The following NEB variants were observed in gnomAD, a reference collection of about 807,000 sequenced individuals.
NEB encodes the protein nemaline myopathy type 2.
NEB carries 512 observed loss-of-function variants against 952.2 expected under a neutral mutation model. The observed-to-expected ratio is 0.54, with a 90% CI of 0.50 to 0.58. The LOEUF is 0.58. Among genes scored for constraint, NEB ranks in the 20% least tolerant of loss-of-function variants. The pLI is 0.00. For missense variants in NEB, 8,428 were observed against 9,231.1 expected, an observed-to-expected ratio of 0.91 and a Z score of 3.56; for synonymous variants, 2,900 against 3,149.8, an observed-to-expected ratio of 0.92 and a Z score of 2.66.
intron 76 of NEB, 67 bp from the exon 77 acceptor site, chr2:151,614,654 A>G: frequency 6.8e-7 from 1 of 1,472,758 alleles, no homozygotes; most frequent in Non-Finnish European, 9.3e-7. Context: ...ATAGGTTCAC[A>G]TTCACATTGT....
intron 46 of NEB, among the ~76,000 whole-genome samples, chr2:151,659,477 T>C (rs1220801981): frequency 2.6e-5 from 4 of 152,002 alleles, no homozygotes. Flanking sequence ...ATTTTTGTAT[T>C]TTTTGTAGAG....
intron 13 of NEB, among the ~76,000 whole-genome samples, chr2:151,702,558 G>T (rs1194751131): frequency 6.6e-6 from 1 of 151,586 alleles, no homozygotes; most frequent in Non-Finnish European, 1.5e-5. Context: ...TCCTGTATTG[G>T]GTGCATATAT....
chr2:151,635,726 A>G (rs1262172596), intron 64 of NEB, among the ~76,000 whole-genome samples: 1 of 151,352 alleles, frequency 6.6e-6, no homozygotes, highest in African/African-American at 2.4e-5. Context: ...AAAAAAAAAA[A>G]GAGTGTAACC....
In NEB at chr2:151,490,392, C is replaced by G. The variant is rs1181657404; in HGVS notation, c.25277G>C (p.Gly8426Ala). Residue 8426 changes from glycine (G) to alanine (A), a missense_variant, in exon 180 of 182, where the codon GGT (glycine) becomes GCT (alanine). Gly to Ala is a moderately conservative substitution (Grantham distance 60). This residue lies in a region of NEB where 3,374 missense variants were observed against 3,651.5 expected (regional missense o/e 0.92). Coordinates refer to ENST00000397345, the MANE Select transcript of NEB (RefSeq NM_001164508.2). ...DHHLSTYSDGGVFAVSTAYKH... is the reference protein window; with the variant it reads ...DHHLSTYSDGAVFAVSTAYKH... ...TGTACCTGTTGAGACTGCAAAGACA[C>G]CCCCGTCGCTGTAAGTCGAAAGGTG... 5 of 1,591,746 alleles carry G rather than the reference C, an allele frequency of 3.1e-6. No homozygotes were observed. The highest frequency in any genetic ancestry group is 3.4e-6 in the Non-Finnish European group (4 of 1,168,148).
intron 178 of NEB, 106 bp from the exon 179 acceptor site, chr2:151,491,881 T>C (rs1337342475): frequency 6.7e-6 from 7 of 1,046,978 alleles, no homozygotes; most frequent in African/African-American, 4.8e-5. Flanking sequence ...ATCACACTTA[T>C]TCCAGCTTAG....
chr2:151,638,524 T>C (rs923896601), intron 63 of NEB, among the ~76,000 whole-genome samples: 7 of 152,208 alleles, frequency 4.6e-5, no homozygotes, highest in African/African-American at 1.7e-4. Context: ...CTATGTGAGT[T>C]TACAGAGAGA....
chr2:151,695,573 C>T lies in NEB; in HGVS notation c.1674+5G>A. ...ATCACATGGTACAGGGCATAAGGAA[C>T]TTACATCACTCAAGTTATAGGCATT... On this transcript the variant is annotated splice_donor_5th_base_variant and intron_variant, in intron 18 of 181. Coordinates refer to ENST00000397345, the MANE Select transcript of NEB (RefSeq NM_001164508.2). 6.2e-7 allele frequency: 1 copy of T among 1,608,918 alleles called. No homozygotes were observed. Among genetic ancestry groups the T allele is most frequent in the Non-Finnish European group, 8.5e-7 (1 of 1,175,532 alleles).
At chr2:151,606,120 G>A (rs368837832) in intron 84 of NEB, among the ~76,000 whole-genome samples, 2,178 of 71,476 alleles carry the variant, frequency 0.03, 453 homozygotes, top group South Asian at 0.21. Context: ...ATGCCCGACA[G>A]GTAGCATAAT....
chr2:151,731,480 A>C (rs2099808610), intron 3 of NEB, among the ~76,000 whole-genome samples: 1 of 152,112 alleles, frequency 6.6e-6, no homozygotes, highest in Middle Eastern at 3.2e-3. Flanking sequence ...GTTTTCTAAA[A>C]TCTTCCCTGG....
At chr2:151,512,583 G>C in intron 161 of NEB, 150 bp downstream of exon 161, 1 of 678,334 alleles carries the variant, frequency 1.5e-6, no homozygotes, top group South Asian at 1.7e-5. Context: ...CAAAGTGCTG[G>C]GAATACAGAC....
intron 17 of NEB, 73 bp downstream of exon 17, chr2:151,696,564 T>G: frequency 8.6e-7 from 1 of 1,156,776 alleles, no homozygotes. Flanking sequence ...TGATAAGTCA[T>G]TGGATTTTAT....
In NEB at chr2:151,616,014, A is replaced by G. The variant is rs775887711; in HGVS notation, c.11277T>C (p.Asp3759=). 59 of 1,611,512 alleles carry G rather than the reference A, an allele frequency of 3.7e-5. 3 individuals carry two copies. The South Asian group carries it at 6.3e-4, about 17-fold the overall frequency. ...IPIQAAKASR[D]IASDYKYKEG... Reference sequence around the variant, plus strand: ...AACATCCACTTACATCACTAGCAATATCTCTTGAAGCCTTGGCTGCTTGGA... The same window carrying G: ...AACATCCACTTACATCACTAGCAATGTCTCTTGAAGCCTTGGCTGCTTGGA... Residue 3759 remains aspartate, a synonymous_variant, in exon 76 of 182, where the codon GAT becomes GAC. Transcript: ENST00000397345.
Position 151,619,590 on chromosome 2 carries a change from A to C in NEB, c.10733T>G (p.Met3578Arg). 1 of 1,613,958 alleles carries C rather than the reference A, an allele frequency of 6.2e-7. No individual in the cohort carries two copies. Among genetic ancestry groups the C allele is most frequent in the Non-Finnish European group, 8.5e-7 (1 of 1,179,860 alleles). The change falls in exon 73 of 182, where the codon ATG (methionine) becomes AGG (arginine). Residue 3578 changes from methionine to arginine, a missense_variant. By Grantham distance (91) the Met-to-Arg change is moderately conservative (BLOSUM62 -1). Transcript: ENST00000397345. ...YKTRYSSPVD[M>R]LGIVLAKKCQ... is the part of the protein sequence containing the mutation. ...CTTCTTGGCCAAAACGATACCAAGCATGTCCACTGGGCTGCTGTACCTTGT... is the reference window on the plus strand; with the variant it reads ...CTTCTTGGCCAAAACGATACCAAGCCTGTCCACTGGGCTGCTGTACCTTGT...
At chr2:151,500,334 A>G (rs2063471629) in intron 168 of NEB, among the ~76,000 whole-genome samples, 1 of 152,136 alleles carries the variant, frequency 6.6e-6, no homozygotes, top group Non-Finnish European at 1.5e-5. Flanking sequence ...AAAAAAATCC[A>G]TCTAAATTTT....
Position 151,497,053 on chromosome 2 carries a change from C to T in NEB, c.24301-20G>A. ...TAACACCTGTGCGATAAGAAAGCAA[C>T]CAGAAAAACAACCATGAGTAACATT... is the stretch of plus-strand genomic sequence containing the variant. On this transcript the variant is annotated intron_variant, in intron 171 of 181. Transcript: ENST00000397345. The T allele has an allele frequency of 6.4e-7, 1 of 1,554,750 alleles. No homozygotes were observed. Among genetic ancestry groups the T allele is most frequent in the Non-Finnish European group, 8.7e-7 (1 of 1,147,346 alleles).
At chr2:151,551,910 A>T (rs1299626439) in intron 128 of NEB, 65 bp from the exon 129 acceptor site, 2 of 1,155,820 alleles carry the variant, frequency 1.7e-6, no homozygotes, top group Non-Finnish European at 2.5e-6. Flanking sequence ...CTTTAAAAAA[A>T]ATAACGGTAG....
Position 151,662,266 on chromosome 2 carries a change from T to C in NEB, c.5839A>G (p.Lys1947Glu), listed in dbSNP as rs1379879241. The change falls in exon 46 of 182, where the codon AAA (lysine) becomes GAA (glutamate). Residue 1947 changes from lysine (K) to glutamate (E), a missense_variant. Lys to Glu is a moderately conservative substitution (Grantham distance 56). This residue lies in a region of NEB where 2,851 missense variants were observed against 2,791.5 expected (regional missense o/e 1.02). Coordinates refer to ENST00000397345, the MANE Select transcript of NEB (RefSeq NM_001164508.2). ...WLPLGSLEAE[K>E]NKKAMEIISE... ...ATAATCTCCATGGCTTTCTTGTTTT[T>C]CTCTGCTTCCAGGGAGCCCAGAGGG... is the stretch of plus-strand genomic sequence containing the variant. The C allele has an allele frequency of 6.2e-7, 1 of 1,613,718 alleles. No individual in the cohort carries two copies. The highest frequency in any genetic ancestry group is 2.2e-5 in the East Asian group (1 of 44,870).
In NEB at chr2:151,565,146, T is replaced by C. The variant is rs1341363143; in HGVS notation, c.18369A>G (p.Val6123=). ...CTTTATTAAATGTTTCTTTATATTT[T>C]ACCTAAGGAGAGAAAACCAAATCTT... is the stretch of plus-strand genomic sequence containing the variant. ...AKINSVNQSD[V]KYKETFNKAK... Residue 6123 remains valine (V), a splice_region_variant and synonymous_variant, in exon 117 of 182, where the codon GTA becomes GTG. Coordinates refer to ENST00000397345, the MANE Select transcript of NEB (RefSeq NM_001164508.2). 1 of 1,505,328 alleles carries C rather than the reference T, an allele frequency of 6.6e-7. No homozygotes were observed. The highest frequency in any genetic ancestry group is 1.4e-5 in the African/African-American group (1 of 72,298). The allele number at this position is 1,505,328 out of a possible 1,614,324, so 93.2% of individuals were successfully genotyped here. A position where few individuals can be genotyped will look rare whatever the true frequency, so the allele number is the denominator to read the frequency against.
intron 10 of NEB, among the ~76,000 whole-genome samples, chr2:151,713,515 T>C (rs181965940): frequency 1.3e-5 from 2 of 152,282 alleles, no homozygotes; most frequent in Non-Finnish European, 2.9e-5. Flanking sequence ...TGTGTAACAA[T>C]ATGTCACTGA....
Sources: allele counts gnomAD v4.1 joint callset (sites outside exome capture counted in the v4.1 genomes callset), GRCh38; gene constraint gnomAD v4.1.1; regional missense constraint gnomAD v4.1.1; transcripts MANE v1.5; gene names NCBI Gene and HGNC (gene_info 2026-07-23, HGNC 2026-07-21).